Variants in CHD1L observed in about 807,000 individuals in gnomAD.
CHD1L encodes the protein chromodomain helicase DNA binding protein 1 like.
Under a neutral mutation model 115.9 loss-of-function variants are expected in CHD1L, and 118 were observed. The observed-to-expected ratio is 1.02, with a 90% CI of 0.88 to 1.19. The LOEUF (loss-of-function observed/expected upper bound fraction) is 1.19. Ranked by LOEUF, CHD1L falls within the 50% of genes most tolerant of loss-of-function variation. The pLI, the probability that CHD1L is intolerant of heterozygous loss-of-function variation, is 0.00. For synonymous variants in CHD1L, 411 were observed against 387.1 expected (o/e 1.06, Z -0.72); for missense variants, 1,179 against 1,065.3 (o/e 1.11, Z -1.49).
Position 147,272,183 on chromosome 1 carries a change from A to G in CHD1L, c.1172A>G (p.Glu391Gly), listed in dbSNP as rs782609645. The change falls in exon 12 of 23, where the codon GAG becomes GGG. Residue 391 changes from glutamate (E) to glycine (G), a missense_variant. By Grantham distance (98) the Glu-to-Gly change is moderately conservative. Coordinates refer to ENST00000369258, the MANE Select transcript of CHD1L (RefSeq NM_004284.6). ...DYMDYRGYSY[E>G]RVDGSVRGEE... is the part of the protein sequence containing the mutation. ...CCTCTCTGTAAAGGCTACAGCTATG[A>G]GCGTGTGGATGGTTCTGTGAGAGGA... is the stretch of plus-strand genomic sequence containing the variant. 5 of 1,613,554 alleles carry G rather than the reference A, an allele frequency of 3.1e-6. No homozygotes were observed. In the Admixed American group the frequency reaches 5.0e-5, roughly 16 times the overall value.
At chr1:147,215,305 C>G in the CHD1L span, 1 of 153,110 alleles carries the variant, frequency 6.5e-6, no homozygotes, top group Non-Finnish European at 1.5e-5. Context: ...GTTAACTACC[C>G]AAGAGCTATA....
chr1:147,247,460 C>T (rs112326505), intron 1 of CHD1L, among the ~76,000 whole-genome samples: 1 of 152,140 alleles, frequency 6.6e-6, no homozygotes, highest in Non-Finnish European at 1.5e-5. Flanking sequence ...CCACGCCTTT[C>T]TTCCTCTCTC....
chr1:147,287,064 C>G (rs1350173116), intron 18 of CHD1L, among the ~76,000 whole-genome samples: 1 of 152,158 alleles, frequency 6.6e-6, no homozygotes, highest in Non-Finnish European at 1.5e-5. Flanking sequence ...GTTTATTTGA[C>G]TGTTGCTTTG....
At chr1:147,219,015 A>G in the CHD1L span, among the ~76,000 whole-genome samples, 1 of 152,214 alleles carries the variant, frequency 6.6e-6, no homozygotes, top group Non-Finnish European at 1.5e-5. Flanking sequence ...GAAACCCGAG[A>G]GTAGCCATAT....
At chr1:147,206,493 G>A in the CHD1L span, among the ~76,000 whole-genome samples, 68 of 152,170 alleles carry the variant, frequency 4.5e-4, no homozygotes, top group Non-Finnish European at 8.4e-4. Flanking sequence ...ATTCACAATA[G>A]CAAGGACTTG....
At chr1:147,262,532 C>T (rs988139413) in intron 6 of CHD1L, among the ~76,000 whole-genome samples, 1 of 152,088 alleles carries the variant, frequency 6.6e-6, no homozygotes, top group Admixed American at 6.6e-5. Flanking sequence ...TCCTTTGTGA[C>T]CTCACAGCCT....
chr1:147,230,594 C>T, the CHD1L span, among the ~76,000 whole-genome samples: 2 of 105,982 alleles, frequency 1.9e-5, no homozygotes, highest in African/African-American at 1.0e-4. Context: ...GTCCCAGCTC[C>T]TCCTTGTACC....
rs1553964676 is a variant in CHD1L, at chr1:147,285,351, T to A, written c.1882T>A (p.Ser628Thr). Residue 628 changes from serine (S) to threonine (T), a missense_variant, in exon 17 of 23, where the codon TCT becomes ACT. By Grantham distance (58) the Ser-to-Thr change is moderately conservative (BLOSUM62 1). Coordinates refer to ENST00000369258, the MANE Select transcript of CHD1L (RefSeq NM_004284.6). ...TCTCATCCCAGGCCTTGTGGAGGGATCTACCAAAAGGAAGCGGGTTCTGAG... is the reference window on the plus strand; with the variant it reads ...TCTCATCCCAGGCCTTGTGGAGGGAACTACCAAAAGGAAGCGGGTTCTGAG... ...SVLIPGLVEG[S>T]TKRKRVLSPE... The A allele has an allele frequency of 3.1e-6, 5 of 1,613,686 alleles. No individual in the cohort carries two copies. In the African/African-American group the frequency reaches 6.7e-5, roughly 22 times the overall value.
chr1:147,178,543 G>T, the CHD1L span: 1 of 1,611,290 alleles, frequency 6.2e-7, no homozygotes, highest in Non-Finnish European at 8.5e-7. Context: ...GACTGAGGAA[G>T]AATTTAAGAA....
intron 2 of CHD1L, among the ~76,000 whole-genome samples, chr1:147,253,942 T>G (rs1669221280): frequency 6.6e-6 from 1 of 152,258 alleles, no homozygotes; most frequent in African/African-American, 2.4e-5. Context: ...TACTTAAATG[T>G]TCTACAGACG....
the CHD1L span, among the ~76,000 whole-genome samples, chr1:147,209,437 C>CA: frequency 2.9e-3 from 320 of 109,844 alleles, 20 homozygotes; most frequent in African/African-American, 9.5e-3. Context: ...GACTCCGTCT[C>CA]AAAAAAAAAA....
At chr1:147,239,989 C>G (rs587670143), upstream of CHD1L, among the ~76,000 whole-genome samples, 1 of 152,194 alleles carries the variant, frequency 6.6e-6, no homozygotes, top group African/African-American at 2.4e-5. Context: ...ATATAAATCT[C>G]TCTTCAGGTT....
In CHD1L at chr1:147,259,673, T is replaced by G. The variant is rs1671261389; in HGVS notation, c.495-164T>G. On this transcript the variant is annotated intron_variant, in intron 5 of 22. Transcript: ENST00000369258. Reference sequence around the variant, plus strand: ...TTACTACCTTATCCAGATATTGTATTATGCACATGTAGCCTCTCAGGAAGG... The same window carrying G: ...TTACTACCTTATCCAGATATTGTATGATGCACATGTAGCCTCTCAGGAAGG... 11 of 606,324 alleles carry G rather than the reference T, an allele frequency of 1.8e-5. No individual in the cohort carries two copies. The East Asian group carries it at 2.9e-4, about 16-fold the overall frequency. The allele number at this position is 606,324 out of a possible 1,614,324, so 37.6% of individuals were successfully genotyped here.
At chr1:147,269,458 CAA>C (rs1361502362) in intron 10 of CHD1L, among the ~76,000 whole-genome samples, 14 of 152,148 alleles carry the variant, frequency 9.2e-5, no homozygotes, top group Non-Finnish European at 1.9e-4. Flanking sequence ...ATCATGAGGT[CAA>C]GAGATCGAGA....
chr1:147,255,694 G>A (rs970199873), intron 3 of CHD1L, 119 bp from the exon 4 acceptor site: 1 of 611,928 alleles, frequency 1.6e-6, no homozygotes, highest in Non-Finnish European at 2.8e-6. Context: ...GACTCTGGTT[G>A]TAGGACCTCA....
In CHD1L at chr1:147,272,205, A is replaced by G. The variant is rs1553953847; in HGVS notation, c.1194A>G (p.Arg398=). The part of the protein sequence containing the change: ...YSYERVDGSV[R]GEERHLAIKN... The stretch of plus-strand genomic sequence containing the variant: ...ATGAGCGTGTGGATGGTTCTGTGAG[A>G]GGAGAAGAGAGACACTTGGCCATTA... The change falls in exon 12 of 23, where the codon AGA becomes AGG. Residue 398 remains arginine, a synonymous_variant. Transcript: ENST00000369258. 1.2e-6 allele frequency: 2 copies of G among 1,613,982 alleles called. No homozygotes were observed. The highest frequency in any genetic ancestry group is 2.2e-5 in the South Asian group (2 of 91,070).
At chr1:147,279,445 G>A (rs1452655142) in intron 14 of CHD1L, among the ~76,000 whole-genome samples, 3 of 152,210 alleles carry the variant, frequency 2.0e-5, no homozygotes, top group Admixed American at 6.5e-5. Context: ...AATGCCAGAG[G>A]AACATCCAGA....
At chr1:147,273,623 AAC>A (rs1420155092) in intron 12 of CHD1L, among the ~76,000 whole-genome samples, 1 of 152,164 alleles carries the variant, frequency 6.6e-6, no homozygotes, top group African/African-American at 2.4e-5. Flanking sequence ...CTGCCGGGAA[AAC>A]AGTTTTATTT....
the CHD1L span, among the ~76,000 whole-genome samples, chr1:147,205,720 A>C: frequency 2.6e-5 from 4 of 152,202 alleles, no homozygotes; most frequent in Non-Finnish European, 5.9e-5. Context: ...CATATGTACA[A>C]AGCTGAAACT....
Sources: allele counts gnomAD v4.1 joint callset (sites outside exome capture counted in the v4.1 genomes callset), GRCh38; gene constraint gnomAD v4.1.1; transcripts MANE v1.5; gene names NCBI Gene and HGNC (gene_info 2026-07-23, HGNC 2026-07-21).